FAM163A: variants seen among roughly 807,000 people sequenced by gnomAD.
FAM163A encodes family with sequence similarity 163 member A.
Under a neutral mutation model 12.0 loss-of-function variants are expected in FAM163A, and 7 were observed. The ratio of observed to expected loss-of-function variants is 0.58; its 90% confidence interval spans 0.33 to 1.10. FAM163A has a LOEUF of 1.10. FAM163A is among the 50% of genes least tolerant of loss of function. The pLI, the probability that FAM163A is intolerant of heterozygous loss-of-function variation, is 0.03. For synonymous variants in FAM163A, 101 were observed against 91.0 expected, an observed-to-expected ratio of 1.11 and a Z score of -0.62; for missense variants, 202 against 218.6, an observed-to-expected ratio of 0.92 and a Z score of 0.48.
At chr1:179,778,520 G>A (rs984480232) in intron 1 of FAM163A, among the ~76,000 whole-genome samples, 3 of 152,166 alleles carry the variant, frequency 2.0e-5, no homozygotes, top group Non-Finnish European at 4.4e-5. Context: ...GTAGAGCATC[G>A]CATGCCCCAG....
intron 1 of FAM163A, among the ~76,000 whole-genome samples, chr1:179,782,369 G>T (rs1266799048): frequency 6.6e-6 from 1 of 152,128 alleles, no homozygotes; most frequent in Non-Finnish European, 1.5e-5. Context: ...ATGGGGAAGG[G>T]GAGAAGGGGA....
At chr1:179,754,400 C>T (rs1685716236) in intron 1 of FAM163A, among the ~76,000 whole-genome samples, 1 of 152,066 alleles carries the variant, frequency 6.6e-6, no homozygotes, top group African/African-American at 2.4e-5. Flanking sequence ...GGGACTGAGA[C>T]ACACAGATGA....
rs1571617123 is a variant in FAM163A, at chr1:179,814,143, G to A, written c.458G>A (p.Gly153Glu). 1.2e-6 allele frequency: 2 copies of A among 1,614,174 alleles called. No homozygotes were observed. Among genetic ancestry groups the A allele is most frequent in the South Asian group, 2.2e-5 (2 of 91,080 alleles). ...TACCCGGTGACCTGGCCAGGCTCTG[G>A]GCGTGAGGCCTTCACCAATCCAAGG... ...QSYPVTWPGS[G>E]REAFTNPRAI... Residue 153 changes from glycine (G) to glutamate (E), a missense_variant, in exon 5 of 5, where the codon GGG becomes GAG. Gly to Glu is a moderately conservative substitution (Grantham distance 98, BLOSUM62 -2). Coordinates refer to ENST00000341785, the MANE Select transcript of FAM163A (RefSeq NM_173509.3).
At chr1:179,811,682 C>G (rs188125803) in intron 2 of FAM163A, among the ~76,000 whole-genome samples, 14 of 152,254 alleles carry the variant, frequency 9.2e-5, no homozygotes, top group Admixed American at 7.8e-4. Context: ...ATAAAGGCAC[C>G]CCCTTTTACC....
At chr1:179,796,132 T>TACACACACACACAC (rs35899165) in intron 1 of FAM163A, among the ~76,000 whole-genome samples, 28 of 145,450 alleles carry the variant, frequency 1.9e-4, no homozygotes, top group African/African-American at 6.9e-4. Context: ...CATTCAATAA[T>TACACACACACACAC]ACACACACAC....
At chr1:179,779,757 A>G (rs1202183939) in intron 1 of FAM163A, among the ~76,000 whole-genome samples, 1 of 152,236 alleles carries the variant, frequency 6.6e-6, no homozygotes, top group East Asian at 1.9e-4. Flanking sequence ...GCATTCATAA[A>G]GATCAGTGGA....
chr1:179,741,167 TA>T (rs1284487187), upstream of FAM163A, among the ~76,000 whole-genome samples: 1 of 152,210 alleles, frequency 6.6e-6, no homozygotes, highest in Non-Finnish European at 1.5e-5. Flanking sequence ...TCAAGTAGCC[TA>T]TAAACATATG....
At chr1:179,749,855 T>C (rs2147976722) in intron 1 of FAM163A, among the ~76,000 whole-genome samples, 1 of 140,912 alleles carries the variant, frequency 7.1e-6, no homozygotes, top group African/African-American at 2.5e-5. Flanking sequence ...TGAAACTCTG[T>C]CAAAAAAATA....
At chr1:179,767,434 T>C (rs1687657294) in intron 1 of FAM163A, among the ~76,000 whole-genome samples, 1 of 152,192 alleles carries the variant, frequency 6.6e-6, no homozygotes, top group Non-Finnish European at 1.5e-5. Flanking sequence ...TTGTGCACTT[T>C]TAATCTCCCA....
intron 3 of FAM163A, 95 bp from the exon 4 acceptor site, chr1:179,812,981 T>C: frequency 8.3e-7 from 1 of 1,202,030 alleles, no homozygotes; most frequent in Admixed American, 2.1e-5. Flanking sequence ...TCAGGCCCCC[T>C]GCCCCAGCCT....
chr1:179,795,689 C>CA (rs950757349), intron 1 of FAM163A, among the ~76,000 whole-genome samples: 2 of 152,220 alleles, frequency 1.3e-5, no homozygotes, highest in African/African-American at 4.8e-5. Flanking sequence ...GTCCCAGCAA[C>CA]AGTGCTAGTG....
At chr1:179,777,620 T>C (rs1222951485) in intron 1 of FAM163A, among the ~76,000 whole-genome samples, 1 of 152,166 alleles carries the variant, frequency 6.6e-6, no homozygotes, top group Non-Finnish European at 1.5e-5. Context: ...GGTACACTCC[T>C]TTCAAAGAGC....
At chr1:179,808,542 G>A (rs560924509) in intron 2 of FAM163A, among the ~76,000 whole-genome samples, 3 of 152,334 alleles carry the variant, frequency 2.0e-5, no homozygotes, top group Non-Finnish European at 4.4e-5. Context: ...ATTGGCCAGA[G>A]GCCACCCTAG....
chr1:179,750,328 T>C (rs1225199943), intron 1 of FAM163A, among the ~76,000 whole-genome samples: 2 of 152,156 alleles, frequency 1.3e-5, no homozygotes, highest in Non-Finnish European at 2.9e-5. Context: ...AAATATAAAG[T>C]AACACTGTGA....
chr1:179,745,459 C>A (rs1475693377), intron 1 of FAM163A, among the ~76,000 whole-genome samples: 1 of 152,204 alleles, frequency 6.6e-6, no homozygotes, highest in African/African-American at 2.4e-5. Context: ...GTCCAGTCCT[C>A]ACCCAGAGGC....
chr1:179,807,206 T>G (rs1694059570), intron 1 of FAM163A, among the ~76,000 whole-genome samples: 1 of 152,092 alleles, frequency 6.6e-6, no homozygotes, highest in Non-Finnish European at 1.5e-5. Context: ...CCTGGATGTC[T>G]CGGGAGGGCC....
At chr1:179,738,887 T>C (rs1008522980), upstream of FAM163A, among the ~76,000 whole-genome samples, 1 of 152,160 alleles carries the variant, frequency 6.6e-6, no homozygotes, top group Non-Finnish European at 1.5e-5. Context: ...AGGAATAAAG[T>C]GGGCAGAATC....
At chr1:179,772,638 A>G (rs1209895677) in intron 1 of FAM163A, among the ~76,000 whole-genome samples, 3 of 152,180 alleles carry the variant, frequency 2.0e-5, no homozygotes, top group Admixed American at 1.3e-4. Context: ...TTAAAGACCT[A>G]AGACACTTTG....
chr1:179,782,314 T>TA (rs981099804), intron 1 of FAM163A, among the ~76,000 whole-genome samples: 2 of 151,760 alleles, frequency 1.3e-5, no homozygotes, highest in African/African-American at 4.8e-5. Context: ...TTAGCCAATG[T>TA]AGAGGGGATG....
Sources: gnomAD v4.1 joint callset for allele counts (sites outside exome capture counted in the v4.1 genomes callset) on GRCh38, gnomAD v4.1.1 for gene constraint, MANE v1.5 for transcripts, NCBI Gene and HGNC (gene_info 2026-07-23, HGNC 2026-07-21) for gene names.